Variants in CDH4 observed in about 807,000 individuals in gnomAD.
CDH4 encodes the protein cadherin 4, also known as cadherin-4.
Under a neutral mutation model 86.0 loss-of-function variants are expected in CDH4, and 33 were observed. The ratio of observed to expected loss-of-function variants is 0.38; its 90% CI spans 0.29 to 0.51. The LOEUF is 0.51. Among genes scored for constraint, CDH4 ranks in the 20% least tolerant of loss-of-function variants. CDH4 has a pLI of 0.86. For missense variants in CDH4, 1,114 were observed against 1,307.4 expected, an observed-to-expected ratio of 0.85 and a Z score of 2.28; for synonymous variants, 555 against 549.4, an observed-to-expected ratio of 1.01 and a Z score of -0.14.
chr20:61,317,013 C>CTTTT (rs71185915), intron 2 of CDH4, among the ~76,000 whole-genome samples: 4 of 143,560 alleles, frequency 2.8e-5, no homozygotes, highest in African/African-American at 1.0e-4. Context: ...CCTGCTATTT[C>CTTTT]TTTTTTTTTT....
Position 61,522,401 on chromosome 20 carries a change from G to A in CDH4, c.170-221162G>A, listed in dbSNP as rs144831853. On this transcript the variant is annotated intron_variant, in intron 2 of 15. Transcript: ENST00000614565. ...ATGAGGAATAGCCACTCGTGACCTC[G>A]GTAACCATGTGTGAGGTGCTGCGCC... Among the ~76,000 whole-genome samples, 77 of 152,298 alleles carry A rather than the reference G, an allele frequency of 5.1e-4. No individual in the cohort carries two copies. In the South Asian group the frequency reaches 5.4e-3, roughly 11 times the overall value.
chr20:61,360,355 C>T (rs938067421), intron 2 of CDH4, among the ~76,000 whole-genome samples: 4 of 152,158 alleles, frequency 2.6e-5, no homozygotes, highest in African/African-American at 9.7e-5. Flanking sequence ...CTGGTGTGTG[C>T]CCTCGGAGCA....
At chr20:61,889,058 G>A (rs1984670585) in intron 7 of CDH4, among the ~76,000 whole-genome samples, 1 of 152,104 alleles carries the variant, frequency 6.6e-6, no homozygotes, top group Admixed American at 6.5e-5. Flanking sequence ...GCCCTGTTCT[G>A]CACCATGCAC....
At position 61,623,453 on chromosome 20, in the gene CDH4, A is replaced by G. The variant is rs2086797177; in HGVS notation, c.170-120110A>G. ...TCACATTGTCTTCTTTATATAGATT[A>G]CACCTTCCAAAGCCTTCAGAAATAC... is the stretch of plus-strand genomic sequence containing the variant. On this transcript the variant is annotated intron_variant, in intron 2 of 15. Coordinates refer to ENST00000614565, the MANE Select transcript of CDH4 (RefSeq NM_001794.5). The surrounding 1 kb of genome is among the most constrained non-coding windows in gnomAD (Gnocchi z 4.4). 6.6e-6 allele frequency among the ~76,000 whole-genome samples: 1 copy of G among 152,184 alleles called. No homozygotes were observed. The highest frequency in any genetic ancestry group is 1.5e-5 in the Non-Finnish European group (1 of 68,034).
intron 2 of CDH4, among the ~76,000 whole-genome samples, chr20:61,515,559 C>G (rs1049814208): frequency 6.6e-6 from 1 of 152,180 alleles, no homozygotes; most frequent in Admixed American, 6.5e-5. Flanking sequence ...TCCCTCCCTT[C>G]CTTCCCTCCC....
chr20:61,566,304 T>C (rs1169550577), intron 2 of CDH4, among the ~76,000 whole-genome samples: 5 of 152,202 alleles, frequency 3.3e-5, no homozygotes, highest in Non-Finnish European at 7.3e-5. Context: ...TTCCGTTGCT[T>C]TTGGTTCTTC....
chr20:61,385,061 G>T (rs1380075301), intron 2 of CDH4, among the ~76,000 whole-genome samples: 3 of 152,172 alleles, frequency 2.0e-5, no homozygotes, highest in South Asian at 4.1e-4. Flanking sequence ...AGCCCTAGGG[G>T]CGTTTTCAGT....
intron 2 of CDH4, among the ~76,000 whole-genome samples, chr20:61,432,933 GGTTCC>G (rs2085256206): frequency 6.6e-6 from 1 of 150,438 alleles, no homozygotes; most frequent in African/African-American, 2.5e-5. Context: ...CTGCCTCCCG[GGTTCC>G]AGCAATTCTC....
intron 2 of CDH4, among the ~76,000 whole-genome samples, chr20:61,647,521 CAT>C (rs146601345): frequency 0.25 from 27,584 of 112,442 alleles, 6,088 homozygotes; most frequent in Non-Finnish European, 0.32. Context: ...TATGCACACA[CAT>C]ATTCTCTCTC....
At chr20:61,640,164 G>A (rs1350461543) in intron 2 of CDH4, among the ~76,000 whole-genome samples, 4 of 152,214 alleles carry the variant, frequency 2.6e-5, no homozygotes, top group South Asian at 2.1e-4. Context: ...GGAGGAAGGC[G>A]TGCGCTCAAA....
rs145512720 is a variant in CDH4, at chr20:61,544,542, G to A, written c.170-199021G>A. Reference sequence around the variant, plus strand: ...TAAAGCAGTCCATGCAATGGCAGCCGCCAAGCAGAGACGGTGACGGGATCC... The same window carrying A: ...TAAAGCAGTCCATGCAATGGCAGCCACCAAGCAGAGACGGTGACGGGATCC... On this transcript the variant is annotated intron_variant, in intron 2 of 15. Coordinates refer to ENST00000614565, the MANE Select transcript of CDH4 (RefSeq NM_001794.5). This position sits in a 1 kb window ranked among gnomAD's most constrained non-coding sequence, Gnocchi z 6.5. 2.0e-3 allele frequency among the ~76,000 whole-genome samples: 306 copies of A among 151,746 alleles called. No individual in the cohort carries two copies. The highest frequency in any genetic ancestry group is 6.8e-3 in the African/African-American group (282 of 41,382).
intron 2 of CDH4, among the ~76,000 whole-genome samples, chr20:61,699,625 C>T (rs1451196496): frequency 1.3e-5 from 2 of 152,236 alleles, no homozygotes; most frequent in African/African-American, 4.8e-5. Flanking sequence ...CATCACCCCA[C>T]TCAACCTTTC....
chr20:61,317,348 A>G (rs1457827670), intron 2 of CDH4, among the ~76,000 whole-genome samples: 1 of 152,090 alleles, frequency 6.6e-6, no homozygotes, highest in Admixed American at 6.6e-5. Flanking sequence ...ATAACCTGCT[A>G]TTTCTAACAT....
intron 2 of CDH4, among the ~76,000 whole-genome samples, chr20:61,552,582 C>T (rs1253168894): frequency 6.6e-6 from 1 of 152,138 alleles, no homozygotes; most frequent in Non-Finnish European, 1.5e-5. Flanking sequence ...TACCTGTAAT[C>T]CCAACTACTC....
intron 2 of CDH4, among the ~76,000 whole-genome samples, chr20:61,284,740 G>T (rs906375804): frequency 1.3e-5 from 2 of 152,186 alleles, no homozygotes; most frequent in African/African-American, 4.8e-5. Flanking sequence ...AGCCCCCAAT[G>T]CAATGTTTTT....
rs149199594 is a variant in CDH4, at chr20:61,323,948, G to A, written c.169+69011G>A. Among the ~76,000 whole-genome samples, 1,312 of 152,274 alleles carry A rather than the reference G, an allele frequency of 8.6e-3. 9 individuals carry two copies. The highest frequency in any genetic ancestry group is 0.016 in the South Asian group (78 of 4,828). ...CAGAGACAAGGCCTTTGAACCTGAA[G>A]TTACGGGAAAATATTAGCTCTGGTG... is the stretch of plus-strand genomic sequence containing the variant. On this transcript the variant is annotated intron_variant, in intron 2 of 15. Coordinates refer to ENST00000614565, the MANE Select transcript of CDH4 (RefSeq NM_001794.5).
At position 61,544,378 on chromosome 20, in the gene CDH4, G is replaced by A. The variant is rs539288953; in HGVS notation, c.170-199185G>A. The stretch of plus-strand genomic sequence containing the variant: ...TCGTGTCCAGGCCGAGAAACCCGAC[G>A]TAGAAATCCAGCTTGCCCAGGAGAG... On this transcript the variant is annotated intron_variant, in intron 2 of 15. Coordinates refer to ENST00000614565, the MANE Select transcript of CDH4 (RefSeq NM_001794.5). The surrounding 1 kb of genome is among the most constrained non-coding windows in gnomAD (Gnocchi z 6.5). Among the ~76,000 whole-genome samples, 68 of 152,010 alleles carry A rather than the reference G, an allele frequency of 4.5e-4. 1 individual carries two copies. Among genetic ancestry groups the A allele is most frequent in the East Asian group, 1.9e-4 (1 of 5,144 alleles).
intron 2 of CDH4, among the ~76,000 whole-genome samples, chr20:61,615,571 GA>G (rs2086718701): frequency 6.6e-6 from 1 of 152,226 alleles, no homozygotes; most frequent in Non-Finnish European, 1.5e-5. Flanking sequence ...GGATATTGGG[GA>G]GTTGGAAACT....
Position 61,849,802 on chromosome 20 carries a change from G to A in CDH4, c.733-2952G>A, listed in dbSNP as rs140419225. On this transcript the variant is annotated intron_variant, in intron 5 of 15. Transcript: ENST00000614565. ...TCCAGCTGGAGAACGTTCAGCTTTC[G>A]AAGGCCCATGTGGTTGGATGGCGTC... Among the ~76,000 whole-genome samples, 1,097 of 152,314 alleles carry A rather than the reference G, an allele frequency of 7.2e-3. 14 individuals carry two copies. Among genetic ancestry groups the A allele is most frequent in the Non-Finnish European group, 0.01 (694 of 68,018 alleles).
Sources: allele counts gnomAD v4.1 joint callset (sites outside exome capture counted in the v4.1 genomes callset), GRCh38; gene constraint gnomAD v4.1.1; non-coding constraint Gnocchi (gnomAD v3.1); transcripts MANE v1.5; gene names NCBI Gene and HGNC (gene_info 2026-07-23, HGNC 2026-07-21).